CLDN1: variants seen among roughly 807,000 people sequenced by gnomAD.
CLDN1 encodes the protein claudin 1.
CLDN1 carries 12 observed loss-of-function variants against 22.6 expected under a neutral mutation model. The observed-to-expected ratio is 0.53, with a 90% CI of 0.34 to 0.86. The LOEUF is 0.86. Ranked by LOEUF, CLDN1 falls within the 40% of genes least tolerant of loss-of-function variation. The pLI is 0.02. For synonymous variants in CLDN1, 99 were observed against 103.8 expected (o/e 0.95, Z 0.28); for missense variants, 250 against 269.5 (o/e 0.93, Z 0.51).
intron 2 of CLDN1, among the ~76,000 whole-genome samples, chr3:190,312,336 T>A (rs1169946429): frequency 6.6e-6 from 1 of 152,152 alleles, no homozygotes; most frequent in African/African-American, 2.4e-5. Context: ...AAACTGACCA[T>A]TCCAACAGGC....
chr3:190,307,672 T>C lies in CLDN1; in HGVS notation c.*605A>G, dbSNP rs1158686898. ...GGGCTTAATAACGATGCAAGTGCTA[T>C]AAGATTATGGTAAAAAATAAAATAA... is the stretch of plus-strand genomic sequence containing the variant. On this transcript the variant is annotated 3_prime_UTR_variant, in exon 4 of 4. Coordinates refer to ENST00000295522, the MANE Select transcript of CLDN1 (RefSeq NM_021101.5). The C allele has an allele frequency of 6.6e-6, 1 of 152,294 alleles. No individual in the cohort carries two copies. Among genetic ancestry groups the C allele is most frequent in the Non-Finnish European group, 1.5e-5 (1 of 68,186 alleles). 9.4% of individuals were successfully genotyped at this position (152,294 alleles called of 1,614,324 possible).
At position 190,308,106 on chromosome 3, in the gene CLDN1, C is replaced by A; in HGVS notation, c.*171G>T. 2 of 732,378 alleles carry A rather than the reference C, an allele frequency of 2.7e-6. No homozygotes were observed. The highest frequency in any genetic ancestry group is 4.6e-6 in the Non-Finnish European group (2 of 437,268). The allele number at this position is 732,378 out of a possible 1,614,324, so 45.4% of individuals were successfully genotyped here. A position where few individuals can be genotyped will look rare whatever the true frequency, so the allele number is the denominator to read the frequency against. On this transcript the variant is annotated 3_prime_UTR_variant, in exon 4 of 4. Coordinates refer to ENST00000295522, the MANE Select transcript of CLDN1 (RefSeq NM_021101.5). ...GAAAGAAGATAAAATAAGATTAAGCCATGTTTAGCACTGAGTATTTTAACA... is the reference window on the plus strand; with the variant it reads ...GAAAGAAGATAAAATAAGATTAAGCAATGTTTAGCACTGAGTATTTTAACA...
chr3:190,309,564 A>T (rs1716555940), intron 3 of CLDN1, among the ~76,000 whole-genome samples: 1 of 152,218 alleles, frequency 6.6e-6, no homozygotes, highest in South Asian at 2.1e-4. Flanking sequence ...TGATTAAAGA[A>T]TGTTGTTACA....
chr3:190,308,137 G>A lies in CLDN1; in HGVS notation c.*140C>T, dbSNP rs924695882. On this transcript the variant is annotated 3_prime_UTR_variant, in exon 4 of 4. Coordinates refer to ENST00000295522, the MANE Select transcript of CLDN1 (RefSeq NM_021101.5). ...TAGCACTGAGTATTTTAACACATGGGTTTTTTGTTTGTTTGTTTGTTTTGT... is the reference window on the plus strand; with the variant it reads ...TAGCACTGAGTATTTTAACACATGGATTTTTTGTTTGTTTGTTTGTTTTGT... The A allele has an allele frequency of 2.7e-5, 28 of 1,026,134 alleles. No individual in the cohort carries two copies. Among genetic ancestry groups the A allele is most frequent in the Non-Finnish European group, 4.2e-5 (28 of 663,348 alleles). The allele number at this position is 1,026,134 out of a possible 1,614,324, so 63.6% of individuals were successfully genotyped here.
rs909170148 is a variant in CLDN1 at position 190,322,125 on chromosome 3, G to A, written c.82C>T (p.Pro28Ser). Residue 28 changes from proline to serine, a missense_variant, in exon 1 of 4, where the codon CCC (proline) becomes TCC (serine). Transcript: ENST00000295522. Reference sequence around the variant, plus strand: ...GCATAGGAGTAAATCCTCCACTGGGGCAGGGCAGTGCTGACGATGGCGCCG... The same window carrying A: ...GCATAGGAGTAAATCCTCCACTGGGACAGGGCAGTGCTGACGATGGCGCCG... ...WIGAIVSTAL[P>S]QWRIYSYAGD... 1.2e-6 allele frequency: 2 copies of A among 1,614,094 alleles called. No individual in the cohort carries two copies. Among genetic ancestry groups the A allele is most frequent in the South Asian group, 1.1e-5 (1 of 91,094 alleles).
rs1428021005 is a variant in CLDN1 at position 190,308,273 on chromosome 3, T to TG, written c.*3dup. On this transcript the variant is annotated 3_prime_UTR_variant, in exon 4 of 4. Coordinates refer to ENST00000295522, the MANE Select transcript of CLDN1 (RefSeq NM_021101.5). ...CAACATGATTTTCTCCTTTTGCCTC[T>TG]GTGTCACACGTAGTCTTTCCCGCTG... 1 of 1,613,850 alleles carries TG rather than the reference T, an allele frequency of 6.2e-7. No individual in the cohort carries two copies. Among genetic ancestry groups the TG allele is most frequent in the South Asian group, 1.1e-5 (1 of 91,072 alleles).
At chr3:190,316,111 C>T (rs1445511382) in intron 1 of CLDN1, among the ~76,000 whole-genome samples, 1 of 152,168 alleles carries the variant, frequency 6.6e-6, no homozygotes, top group Admixed American at 6.5e-5. Context: ...AGAAACCTAT[C>T]AGGTTTCATT....
At chr3:190,312,633 T>G (rs1716653377) in intron 2 of CLDN1, among the ~76,000 whole-genome samples, 2 of 151,202 alleles carry the variant, frequency 1.3e-5, no homozygotes, top group Non-Finnish European at 2.9e-5. Flanking sequence ...TGGAAGAGAC[T>G]GGTTCTAACA....
In CLDN1 at chr3:190,310,217, T is replaced by C. The variant is rs906328206; in HGVS notation, c.425A>G (p.Asn142Ser). The part of the protein sequence containing the change: ...AILVATAWYG[N>S]RIVQEFYDPM... ...GTCATAGAATTCTTGAACGATTCTA[T>C]TGCCATACCATGCTGTGGCAACTAA... Residue 142 changes from asparagine to serine, a missense_variant, in exon 3 of 4, where the codon AAT becomes AGT. Physicochemically the swap from Asn to Ser is conservative, Grantham distance 46. Transcript: ENST00000295522. 5 of 1,613,814 alleles carry C rather than the reference T, an allele frequency of 3.1e-6. No individual in the cohort carries two copies. Among genetic ancestry groups the C allele is most frequent in the African/African-American group, 2.7e-5 (2 of 74,918 alleles).
intron 1 of CLDN1, among the ~76,000 whole-genome samples, chr3:190,318,852 G>A (rs1716839153): frequency 6.6e-6 from 1 of 152,188 alleles, no homozygotes; most frequent in Non-Finnish European, 1.5e-5. Flanking sequence ...TGACATCATG[G>A]TGAGAGTGCT....
At chr3:190,313,767 T>C (rs1262888758) in intron 1 of CLDN1, among the ~76,000 whole-genome samples, 1 of 152,210 alleles carries the variant, frequency 6.6e-6, no homozygotes, top group Non-Finnish European at 1.5e-5. Flanking sequence ...TAATTCAATG[T>C]AGTGTTTCTC....
chr3:190,308,524 C>A (rs1444814045), intron 3 of CLDN1, 85 bp from the exon 4 acceptor site: 1 of 1,284,774 alleles, frequency 7.8e-7, no homozygotes. Flanking sequence ...AATCAATACT[C>A]ATTGTATTTT....
intron 1 of CLDN1, among the ~76,000 whole-genome samples, chr3:190,318,390 TAAC>T (rs1268369455): frequency 1.3e-5 from 2 of 152,168 alleles, no homozygotes; most frequent in African/African-American, 4.8e-5. Flanking sequence ...ACTGAAGTAA[TAAC>T]AAAGAATTCT....
Position 190,307,271 on chromosome 3 carries a change from T to C in CLDN1, c.*1006A>G, listed in dbSNP as rs967660751. ...CAGACCACACCTTATTAGGAAGATA[T>C]AAAACGCATGATAATTACACTTGGG... On this transcript the variant is annotated 3_prime_UTR_variant, in exon 4 of 4. Transcript: ENST00000295522. 8 of 152,180 alleles carry C rather than the reference T, an allele frequency of 5.3e-5. No individual in the cohort carries two copies. Among genetic ancestry groups the C allele is most frequent in the African/African-American group, 1.9e-4 (8 of 41,426 alleles). The allele number at this position is 152,180 out of a possible 1,614,324, so 9.4% of individuals were successfully genotyped here.
At chr3:190,315,951 C>T (rs1716756594) in intron 1 of CLDN1, among the ~76,000 whole-genome samples, 2 of 152,146 alleles carry the variant, frequency 1.3e-5, no homozygotes, top group Non-Finnish European at 2.9e-5. Context: ...CCTGGAATGA[C>T]CTAATATTCA....
At chr3:190,314,627 T>G in intron 1 of CLDN1, among the ~76,000 whole-genome samples, 1 of 152,020 alleles carries the variant, frequency 6.6e-6, no homozygotes, top group Non-Finnish European at 1.5e-5. Context: ...TGGTCTCAAA[T>G]TCCTGAGTTC....
rs746905168 is a variant in CLDN1, at chr3:190,322,238, G to A, written c.-32C>T. ...CTCGGGCGCCCGCGCTGGCTCAGGGGTGGCAGGTGCAGAAGGCGGAGAGTT... is the reference window on the plus strand; with the variant it reads ...CTCGGGCGCCCGCGCTGGCTCAGGGATGGCAGGTGCAGAAGGCGGAGAGTT... On this transcript the variant is annotated 5_prime_UTR_variant, in exon 1 of 4. Coordinates refer to ENST00000295522, the MANE Select transcript of CLDN1 (RefSeq NM_021101.5). The A allele has an allele frequency of 3.1e-6, 5 of 1,599,942 alleles. No individual in the cohort carries two copies. The highest frequency in any genetic ancestry group is 2.2e-5 in the South Asian group (2 of 90,716).
rs55945457 is a variant in CLDN1 at position 190,307,775 on chromosome 3, C to G, written c.*502G>C. On this transcript the variant is annotated 3_prime_UTR_variant, in exon 4 of 4. Coordinates refer to ENST00000295522, the MANE Select transcript of CLDN1 (RefSeq NM_021101.5). ...TAGGCTAGGTCTTGTGGCAAAGGCA[C>G]CCAAAGCTAATGAAGAAGAGTAAAT... 2 of 152,776 alleles carry G rather than the reference C, an allele frequency of 1.3e-5. No individual in the cohort carries two copies. Among genetic ancestry groups the G allele is most frequent in the African/African-American group, 2.4e-5 (1 of 41,344 alleles). The allele number at this position is 152,776 out of a possible 1,614,324, so 9.5% of individuals were successfully genotyped here.
chr3:190,322,024 C>T lies in CLDN1; in HGVS notation c.183G>A (p.Gln61=), dbSNP rs373860523. Residue 61 remains glutamine (Q), a synonymous_variant, in exon 1 of 4, where the codon CAG becomes CAA. Coordinates refer to ENST00000295522, the MANE Select transcript of CLDN1 (RefSeq NM_021101.5). ...WMSCVSQSTG[Q]IQCKVFDSLL... ...AGGAGTCAAAGACTTTGCACTGGAT[C>T]TGCCCGGTGCTCTGCGACACGCAGG... The T allele has an allele frequency of 1.4e-5, 22 of 1,614,128 alleles. No homozygotes were observed. In the African/African-American group the frequency reaches 2.4e-4, roughly 18 times the overall value.
Sources: allele counts gnomAD v4.1 joint callset (sites outside exome capture counted in the v4.1 genomes callset), GRCh38; gene constraint gnomAD v4.1.1; transcripts MANE v1.5; gene names NCBI Gene and HGNC (gene_info 2026-07-23, HGNC 2026-07-21).